UXS1: variants seen among roughly 807,000 people sequenced by gnomAD.
The protein encoded by UXS1 is UDP-glucuronate decarboxylase 1.
UXS1 carries 33 observed loss-of-function variants against 62.6 expected under a neutral mutation model. The observed-to-expected ratio is 0.53, with a 90% CI of 0.40 to 0.70. UXS1 has a LOEUF of 0.70. Among genes scored for constraint, UXS1 ranks in the 30% least tolerant of loss-of-function variants. The probability of loss-of-function intolerance (pLI) is 0.00; values close to 1 mark genes in which losing one functional copy is unlikely to be tolerated. For synonymous variants in UXS1, 213 were observed against 206.8 expected, an observed-to-expected ratio of 1.03 and a Z score of -0.26; for missense variants, 434 against 556.3, an observed-to-expected ratio of 0.78 and a Z score of 2.21.
chr2:106,120,127 G>C (rs762668581), intron 9 of UXS1, among the ~76,000 whole-genome samples: 2 of 152,122 alleles, frequency 1.3e-5, no homozygotes, highest in Non-Finnish European at 1.5e-5. Context: ...GGGCCCAGAG[G>C]GGCTTGTGGC....
intron 1 of UXS1, among the ~76,000 whole-genome samples, chr2:106,170,017 G>A (rs1558747435): frequency 6.6e-6 from 1 of 152,282 alleles, no homozygotes; most frequent in African/African-American, 2.4e-5. Flanking sequence ...ACTGCCCCTG[G>A]AGGCTGGAGA....
At chr2:106,176,871 T>TC (rs1683914458) in intron 1 of UXS1, among the ~76,000 whole-genome samples, 1 of 152,178 alleles carries the variant, frequency 6.6e-6, no homozygotes, top group African/African-American at 2.4e-5. Context: ...ATTTGTTGTC[T>TC]CCAGAAGCAG....
chr2:106,150,944 T>C (rs1681962762), intron 5 of UXS1, among the ~76,000 whole-genome samples: 1 of 152,148 alleles, frequency 6.6e-6, no homozygotes, highest in African/African-American at 2.4e-5. Context: ...TCAAGAAAGA[T>C]TATCTGGAGC....
At chr2:106,130,563 G>C (rs1680363760) in intron 6 of UXS1, among the ~76,000 whole-genome samples, 1 of 152,230 alleles carries the variant, frequency 6.6e-6, no homozygotes. Flanking sequence ...GTGAAGAACA[G>C]GGATCTGAAA....
At chr2:106,111,938 C>T (rs1678648462) in intron 10 of UXS1, among the ~76,000 whole-genome samples, 1 of 152,080 alleles carries the variant, frequency 6.6e-6, no homozygotes, top group Admixed American at 6.5e-5. Flanking sequence ...GACCGGGGAG[C>T]TGGGGGTGGG....
rs553472166 is a variant in UXS1, at chr2:106,130,643, C to T, written c.473-865G>A. ...GAATACTTGCAGGGGCCCCTCTGCC[C>T]GGGCCTTCCGGGCTCCCCTGACCAG... On this transcript the variant is annotated intron_variant, in intron 6 of 14. Coordinates refer to ENST00000283148, the MANE Select transcript of UXS1 (RefSeq NM_001253875.2). Among the ~76,000 whole-genome samples, 41 of 152,292 alleles carry T rather than the reference C, an allele frequency of 2.7e-4. No homozygotes were observed. In the South Asian group the frequency reaches 7.5e-3, roughly 28 times the overall value.
rs1679887716 is a variant in UXS1 at position 106,125,768 on chromosome 2, T to G, written c.578-89A>C. 7 of 1,115,624 alleles carry G rather than the reference T, an allele frequency of 6.3e-6. No individual in the cohort carries two copies. In the South Asian group the frequency reaches 9.0e-5, roughly 14 times the overall value. 69.1% of individuals were successfully genotyped at this position (1,115,624 alleles called of 1,614,324 possible). A position where few individuals can be genotyped will look rare whatever the true frequency, so the allele number is the denominator to read the frequency against. Reference sequence around the variant, plus strand: ...GCCAATTTAAGCAATGTTTTAGTATTAAAGACATTTAATTATCTATCCAAT... The same window carrying G: ...GCCAATTTAAGCAATGTTTTAGTATGAAAGACATTTAATTATCTATCCAAT... On this transcript the variant is annotated intron_variant, in intron 7 of 14. Transcript: ENST00000283148.
At chr2:106,162,842 C>T (rs893245843) in intron 4 of UXS1, among the ~76,000 whole-genome samples, 1 of 152,202 alleles carries the variant, frequency 6.6e-6, no homozygotes, top group African/African-American at 2.4e-5. Context: ...TCCCTTCGAT[C>T]ATTTAATGAA....
intron 6 of UXS1, among the ~76,000 whole-genome samples, chr2:106,142,831 AACGCAAT>A (rs941918737): frequency 7.2e-5 from 11 of 152,268 alleles, no homozygotes; most frequent in African/African-American, 2.6e-4. Context: ...CAACTGAGGG[AACGCAAT>A]ACTCTGAGCA....
At chr2:106,139,950 TC>T (rs1173002580) in intron 6 of UXS1, among the ~76,000 whole-genome samples, 2 of 152,222 alleles carry the variant, frequency 1.3e-5, no homozygotes, top group South Asian at 4.1e-4. Flanking sequence ...ACAGAAATAC[TC>T]CCCAACGAGA....
rs1683790773 is a variant in UXS1 at position 106,174,990 on chromosome 2, C to A, written c.95-8907G>T. Among the ~76,000 whole-genome samples, 3 of 152,318 alleles carry A rather than the reference C, an allele frequency of 2.0e-5. No homozygotes were observed. The South Asian group carries it at 6.2e-4, about 32-fold the overall frequency. On this transcript the variant is annotated intron_variant, in intron 1 of 14. Transcript: ENST00000283148. ...TTCATTTCCAAACACATCCTCTAAG[C>A]TAATCCCCCATCCTCAATGCCACGT...
At chr2:106,188,992 C>A (rs746271815) in intron 1 of UXS1, among the ~76,000 whole-genome samples, 2 of 152,126 alleles carry the variant, frequency 1.3e-5, no homozygotes, top group Non-Finnish European at 2.9e-5. Context: ...AAAAAAATCA[C>A]TAGAAGAGTC....
chr2:106,184,235 C>A (rs930983439), intron 1 of UXS1, among the ~76,000 whole-genome samples: 2 of 152,148 alleles, frequency 1.3e-5, no homozygotes, highest in African/African-American at 4.8e-5. Flanking sequence ...AGGGCTGACC[C>A]TGAATTAATC....
At chr2:106,108,171 G>C (rs1678251293) in intron 10 of UXS1, among the ~76,000 whole-genome samples, 1 of 152,192 alleles carries the variant, frequency 6.6e-6, no homozygotes, top group Admixed American at 6.5e-5. Flanking sequence ...TCCATCATCT[G>C]TACTTTGGTT....
chr2:106,190,212 C>A (rs1156561576), intron 1 of UXS1, among the ~76,000 whole-genome samples: 2 of 152,176 alleles, frequency 1.3e-5, no homozygotes, highest in Admixed American at 6.5e-5. Context: ...AAGTAACCTA[C>A]AACATGACTC....
chr2:106,169,712 C>A (rs775139851), intron 1 of UXS1, among the ~76,000 whole-genome samples: 8 of 152,144 alleles, frequency 5.3e-5, no homozygotes, highest in Non-Finnish European at 1.0e-4. Flanking sequence ...AAGTTGATTT[C>A]ACAAAAATCT....
At chr2:106,187,711 C>G (rs367699409) in intron 1 of UXS1, among the ~76,000 whole-genome samples, 24 of 151,308 alleles carry the variant, frequency 1.6e-4, no homozygotes, top group East Asian at 1.2e-3. Context: ...ATAAATGTTA[C>G]TAGATGTCAC....
At chr2:106,104,683 T>C (rs1677898592) in intron 11 of UXS1, 111 bp downstream of exon 11, 4 of 1,350,582 alleles carry the variant, frequency 3.0e-6, no homozygotes, top group Non-Finnish European at 4.2e-6. Context: ...ATATATAGTG[T>C]TAGCGTTGTG....
At chr2:106,165,943 T>C (rs1683184684) in intron 2 of UXS1, 113 bp downstream of exon 2, 5 of 1,045,466 alleles carry the variant, frequency 4.8e-6, no homozygotes, top group East Asian at 2.7e-5. Flanking sequence ...AAGAACCCAC[T>C]TTTGTTTTAA....
Sources: gnomAD v4.1 joint callset for allele counts (sites outside exome capture counted in the v4.1 genomes callset) on GRCh38, gnomAD v4.1.1 for gene constraint, MANE v1.5 for transcripts, NCBI Gene and HGNC (gene_info 2026-07-23, HGNC 2026-07-21) for gene names.